Variants in DCP1B observed in about 807,000 individuals in gnomAD.
The protein encoded by DCP1B is mRNA-decapping enzyme 1B.
Under a neutral mutation model 60.5 loss-of-function variants are expected in DCP1B, and 47 were observed. The ratio of observed to expected loss-of-function variants is 0.78; its 90% CI spans 0.61 to 0.99. DCP1B has a LOEUF of 0.99. Ranked by LOEUF, DCP1B falls within the 50% of genes least tolerant of loss-of-function variation. DCP1B has a pLI of 0.00. For synonymous variants in DCP1B, 267 were observed against 280.3 expected (o/e 0.95, Z 0.47); for missense variants, 725 against 756.8 (o/e 0.96, Z 0.49).
chr12:1,972,041 C>G (rs974865541), intron 3 of DCP1B, among the ~76,000 whole-genome samples: 1 of 152,146 alleles, frequency 6.6e-6, no homozygotes, highest in Admixed American at 6.5e-5. Flanking sequence ...TGGTAATGTT[C>G]TTTCTAATAT....
intron 5 of DCP1B, among the ~76,000 whole-genome samples, chr12:1,956,460 A>C (rs2030888162): frequency 6.6e-6 from 1 of 152,218 alleles, no homozygotes; most frequent in African/African-American, 2.4e-5. Flanking sequence ...CAGCATTCCC[A>C]ATGTGTTTTA....
chr12:1,942,223 T>C (rs752856466), downstream of DCP1B, among the ~76,000 whole-genome samples: 57 of 152,316 alleles, frequency 3.7e-4, no homozygotes, highest in Non-Finnish European at 2.5e-4. Flanking sequence ...AAGGGATCAA[T>C]GCAACAAGAA....
At position 1,948,148 on chromosome 12, in the gene DCP1B, C is replaced by G. The variant is rs531070385; in HGVS notation, c.1773+938G>C. Among the ~76,000 whole-genome samples, 2 of 152,234 alleles carry G rather than the reference C, an allele frequency of 1.3e-5. No homozygotes were observed. Among genetic ancestry groups the G allele is most frequent in the Non-Finnish European group, 2.9e-5 (2 of 68,048 alleles). ...CACCTAAATATGTTAACTGGGGTGT[C>G]TGAAGTCTGTCTGGCTACAAATGTT... is the stretch of plus-strand genomic sequence containing the variant. On this transcript the variant is annotated intron_variant, in intron 8 of 8. Coordinates refer to ENST00000280665, the MANE Select transcript of DCP1B (RefSeq NM_152640.5). This position sits in a 1 kb window ranked among gnomAD's most constrained non-coding sequence, Gnocchi z 4.8.
At chr12:1,985,801 C>A (rs138597034) in intron 3 of DCP1B, among the ~76,000 whole-genome samples, 4,152 of 152,134 alleles carry the variant, frequency 0.027, 95 homozygotes, top group Middle Eastern at 0.054. Flanking sequence ...CTTCCCATAT[C>A]AGTTCCATTT....
chr12:1,963,795 A>C (rs1284882287), intron 5 of DCP1B, among the ~76,000 whole-genome samples: 1 of 152,248 alleles, frequency 6.6e-6, no homozygotes, highest in Non-Finnish European at 1.5e-5. Context: ...ATAGATGCTT[A>C]CTGCTACTGA....
intron 3 of DCP1B, chr12:1,992,025 A>C: frequency 3.2e-6 from 1 of 317,256 alleles, no homozygotes; most frequent in Non-Finnish European, 6.6e-6. Flanking sequence ...AAACAATTCA[A>C]ACTATAAACA....
chr12:1,943,147 C>A (rs531338486), downstream of DCP1B, among the ~76,000 whole-genome samples: 1 of 152,250 alleles, frequency 6.6e-6, no homozygotes, highest in South Asian at 2.1e-4. Flanking sequence ...TACAAACTAC[C>A]ATCAGAGAAT....
chr12:1,965,968 C>T, intron 4 of DCP1B: 1 of 352,092 alleles, frequency 2.8e-6, no homozygotes, highest in Non-Finnish European at 5.1e-6. Context: ...CCAAGCTCAA[C>T]ACAGCCATGC....
In DCP1B at chr12:1,967,824, T is replaced by A. The variant is rs890032053; in HGVS notation, c.386+20A>T. 1 of 1,604,608 alleles carries A rather than the reference T, an allele frequency of 6.2e-7. No homozygotes were observed. Among genetic ancestry groups the A allele is most frequent in the Admixed American group, 1.7e-5 (1 of 58,566 alleles). On this transcript the variant is annotated intron_variant, in intron 4 of 8. Coordinates refer to ENST00000280665, the MANE Select transcript of DCP1B (RefSeq NM_152640.5). ...CAAAAGCACCAGGTCCTGAAAAATA[T>A]TTAGCCTTTTAGTACTTACTTTTTC...
chr12:1,973,310 G>T (rs1592857010), intron 3 of DCP1B, among the ~76,000 whole-genome samples: 1 of 152,094 alleles, frequency 6.6e-6, no homozygotes, highest in Non-Finnish European at 1.5e-5. Context: ...TATTTTATGG[G>T]TGACTAATAC....
chr12:1,963,678 A>C (rs887255191), intron 5 of DCP1B, among the ~76,000 whole-genome samples: 4 of 152,190 alleles, frequency 2.6e-5, no homozygotes, highest in African/African-American at 4.8e-5. Flanking sequence ...GTCCTTTCAC[A>C]TGACCCTATT....
rs774244937 is a variant in DCP1B at position 1,967,834 on chromosome 12, T to G, written c.386+10A>C. On this transcript the variant is annotated intron_variant, in intron 4 of 8. Transcript: ENST00000280665. ...AGGTCCTGAAAAATATTTAGCCTTT[T>G]AGTACTTACTTTTTCATAAGCTCTG... 4 of 1,610,124 alleles carry G rather than the reference T, an allele frequency of 2.5e-6. No individual in the cohort carries two copies. Among genetic ancestry groups the G allele is most frequent in the Non-Finnish European group, 3.4e-6 (4 of 1,178,308 alleles).
intron 5 of DCP1B, among the ~76,000 whole-genome samples, chr12:1,963,495 G>A (rs113674665): frequency 0.027 from 4,161 of 152,260 alleles, 95 homozygotes; most frequent in Middle Eastern, 0.054. Context: ...ACCTTCAAAC[G>A]GATAACTAAT....
chr12:1,973,918 C>T (rs945594306), intron 3 of DCP1B, among the ~76,000 whole-genome samples: 1 of 152,168 alleles, frequency 6.6e-6, no homozygotes, highest in Admixed American at 6.5e-5. Flanking sequence ...TCTCTCTACT[C>T]GTCCTTGAAG....
chr12:1,989,996 C>T (rs2038943200), intron 3 of DCP1B, among the ~76,000 whole-genome samples: 2 of 152,110 alleles, frequency 1.3e-5, no homozygotes, highest in South Asian at 4.1e-4. Context: ...GGAGCGTACT[C>T]TAAAATAACT....
Position 1,952,754 on chromosome 12 carries a change from G to A in DCP1B, c.1186C>T (p.Pro396Ser). ...RAPTSVTPVA[P>S]GKGLAQPPQA... is the part of the protein sequence containing the mutation. Reference sequence around the variant, plus strand: ...GGTGGCTGAGCCAGACCCTTTCCTGGAGCCACAGGGGTGACAGAAGTGGGA... The same window carrying A: ...GGTGGCTGAGCCAGACCCTTTCCTGAAGCCACAGGGGTGACAGAAGTGGGA... Residue 396 changes from proline to serine, a missense_variant, in exon 7 of 9, where the codon CCA (proline) becomes TCA (serine). By Grantham distance (74) the Pro-to-Ser change is moderately conservative. Transcript: ENST00000280665. 6.2e-7 allele frequency: 1 copy of A among 1,614,174 alleles called. No homozygotes were observed. The highest frequency in any genetic ancestry group is 8.5e-7 in the Non-Finnish European group (1 of 1,180,030).
rs2031267552 is a variant in DCP1B, at chr12:1,965,611, T to C, written c.469A>G (p.Lys157Glu). The C allele has an allele frequency of 6.2e-7, 1 of 1,613,946 alleles. No individual in the cohort carries two copies. Among genetic ancestry groups the C allele is most frequent in the African/African-American group, 1.3e-5 (1 of 74,922 alleles). The part of the protein sequence containing the change: ...SPVILNSGEG[K>E]EVDILRMLIK... ...AGCATTCGTAAAATGTCTACTTCTT[T>C]GCCCTCTCCTGAATTGAGGATCACT... Residue 157 changes from lysine to glutamate, a missense_variant, in exon 5 of 9, where the codon AAA (lysine) becomes GAA (glutamate). Physicochemically the swap from Lys to Glu is moderately conservative, Grantham distance 56 (BLOSUM62 1). Coordinates refer to ENST00000280665, the MANE Select transcript of DCP1B (RefSeq NM_152640.5).
chr12:1,946,209 C>A lies in DCP1B; in HGVS notation c.1851G>T (p.Met617Ile). ...SMTQAAMKKT[M>I] ...TCAGTTTTAAAAGGCCTTGCTGTCA[C>A]ATAGTCTTTTTCATGGCTGCTTGAG... The change falls in exon 9 of 9, where the codon ATG becomes ATT. Residue 617 changes from methionine (M) to isoleucine (I), a missense_variant. Transcript: ENST00000280665. 6.3e-7 allele frequency: 1 copy of A among 1,595,768 alleles called. No individual in the cohort carries two copies. The highest frequency in any genetic ancestry group is 8.5e-7 in the Non-Finnish European group (1 of 1,172,318).
At chr12:1,968,996 T>C (rs1453636847) in intron 3 of DCP1B, among the ~76,000 whole-genome samples, 3 of 152,222 alleles carry the variant, frequency 2.0e-5, no homozygotes, top group Non-Finnish European at 4.4e-5. Flanking sequence ...GAGGATCTGA[T>C]GGCATTAATC....
Sources: allele counts gnomAD v4.1 joint callset (sites outside exome capture counted in the v4.1 genomes callset), GRCh38; gene constraint gnomAD v4.1.1; non-coding constraint Gnocchi (gnomAD v3.1); transcripts MANE v1.5; gene names NCBI Gene and HGNC (gene_info 2026-07-23, HGNC 2026-07-21).